BMPR1B: variants seen among roughly 807,000 people sequenced by gnomAD.
The protein encoded by BMPR1B is bone morphogenetic protein receptor type-1B.
Under a neutral mutation model 59.1 loss-of-function variants are expected in BMPR1B, and 12 were observed. The ratio of observed to expected loss-of-function variants is 0.20; its 90% CI spans 0.13 to 0.33. The LOEUF is 0.33. Ranked by LOEUF, BMPR1B falls within the 10% of genes least tolerant of loss-of-function variation. BMPR1B has a pLI of 1.00. For synonymous variants in BMPR1B, 237 were observed against 207.3 expected, an observed-to-expected ratio of 1.14 and a Z score of -1.23; for missense variants, 550 against 610.9, an observed-to-expected ratio of 0.90 and a Z score of 1.05.
chr4:95,125,103 A>C lies in BMPR1B; in HGVS notation c.567A>C (p.Gly189=). The change falls in exon 8 of 13, where the codon GGA becomes GGC. Residue 189 remains glycine (G), a synonymous_variant. Transcript: ENST00000515059. The part of the protein sequence containing the change: ...LIEQSQSSGS[G]SGLPLLVQRT... ...AGCAGTCTCAGAGCTCAGGAAGTGG[A>C]TCAGGCCTCCCTCTGCTGGTATGAG... 1 of 1,613,826 alleles carries C rather than the reference A, an allele frequency of 6.2e-7. No individual in the cohort carries two copies. The highest frequency in any genetic ancestry group is 8.5e-7 in the Non-Finnish European group (1 of 1,179,792).
Position 95,064,985 on chromosome 4 carries a change from A to G in BMPR1B, c.-17-39423A>G, listed in dbSNP as rs1727688531. Among the ~76,000 whole-genome samples, 4 of 152,174 alleles carry G rather than the reference A, an allele frequency of 2.6e-5. No individual in the cohort carries two copies. The South Asian group carries it at 6.2e-4, about 24-fold the overall frequency. ...CTGGCAGTTTCTCAAAGTGATAATC[A>G]TGTAGTTGTCATATGATCCAGCAAT... is the stretch of plus-strand genomic sequence containing the variant. On this transcript the variant is annotated intron_variant, in intron 3 of 12. Coordinates refer to ENST00000515059, the MANE Select transcript of BMPR1B (RefSeq NM_001203.3).
chr4:94,775,427 G>A (rs992580778), intron 1 of BMPR1B, among the ~76,000 whole-genome samples: 2 of 152,134 alleles, frequency 1.3e-5, no homozygotes, highest in Non-Finnish European at 2.9e-5. Context: ...AAATATAAGT[G>A]CCTAATTTCA....
intron 2 of BMPR1B, among the ~76,000 whole-genome samples, chr4:94,905,123 A>G (rs1347077973): frequency 6.6e-6 from 1 of 152,084 alleles, no homozygotes; most frequent in African/African-American, 2.4e-5. Flanking sequence ...AAGATGGGGA[A>G]AATTTTCTTT....
At chr4:95,140,300 A>G (rs879209391) in intron 10 of BMPR1B, among the ~76,000 whole-genome samples, 2 of 152,190 alleles carry the variant, frequency 1.3e-5, no homozygotes, top group African/African-American at 4.8e-5. Context: ...CATATGGAAC[A>G]CAGGATGAAG....
At chr4:94,915,103 A>G (rs1306278330) in intron 2 of BMPR1B, among the ~76,000 whole-genome samples, 1 of 152,160 alleles carries the variant, frequency 6.6e-6, no homozygotes, top group African/African-American at 2.4e-5. Flanking sequence ...CTCAACCTTG[A>G]CAGGTACCAA....
chr4:95,111,105 AGTT>A (rs1474642026), intron 4 of BMPR1B, among the ~76,000 whole-genome samples: 1 of 152,164 alleles, frequency 6.6e-6, no homozygotes, highest in African/African-American at 2.4e-5. Flanking sequence ...GAAATTTAAG[AGTT>A]GTTGTAGGAA....
rs1263019022 is a variant in BMPR1B, at chr4:94,948,506, G to A, written c.-112-47534G>A. ...CAAATGAGTAAGTAATGCTTTTGAG[G>A]TATCTAATCCACCTCATTTGTATAA... On this transcript the variant is annotated intron_variant, in intron 2 of 12. Transcript: ENST00000515059. Among the ~76,000 whole-genome samples the A allele has an allele frequency of 2.6e-5, 4 of 152,126 alleles. No individual in the cohort carries two copies. The South Asian group carries it at 8.3e-4, about 32-fold the overall frequency.
At chr4:94,990,028 A>G (rs1391509634) in intron 2 of BMPR1B, among the ~76,000 whole-genome samples, 1 of 152,260 alleles carries the variant, frequency 6.6e-6, no homozygotes, top group Admixed American at 6.5e-5. Context: ...GCATATTAGC[A>G]GTTTTACTAC....
At chr4:94,977,725 C>T (rs899512440) in intron 2 of BMPR1B, among the ~76,000 whole-genome samples, 2 of 152,066 alleles carry the variant, frequency 1.3e-5, no homozygotes, top group African/African-American at 2.4e-5. Flanking sequence ...GGCATGGTGG[C>T]GCGTGCCTGC....
At chr4:95,002,852 G>A (rs915441895) in intron 3 of BMPR1B, among the ~76,000 whole-genome samples, 1 of 152,122 alleles carries the variant, frequency 6.6e-6, no homozygotes, top group African/African-American at 2.4e-5. Flanking sequence ...ATATGATAGA[G>A]GAAAGTGATA....
chr4:94,758,016 G>A lies in BMPR1B; in HGVS notation c.-235G>A, dbSNP rs1284678743. 6.8e-6 allele frequency: 1 copy of A among 147,548 alleles called. No individual in the cohort carries two copies. Among genetic ancestry groups the A allele is most frequent in the African/African-American group, 2.5e-5 (1 of 40,656 alleles). 9.1% of individuals were successfully genotyped at this position (147,548 alleles called of 1,614,324 possible). On this transcript the variant is annotated 5_prime_UTR_variant, in exon 1 of 13. Transcript: ENST00000515059. ...TCGGCGGGGCCTCGCGGGACGCCGGGCAGTGCGGAGACCGCGGCGCTGAGG... is the reference window on the plus strand; with the variant it reads ...TCGGCGGGGCCTCGCGGGACGCCGGACAGTGCGGAGACCGCGGCGCTGAGG...
Position 94,793,896 on chromosome 4 carries a change from T to A in BMPR1B, c.-183+35828T>A, listed in dbSNP as rs1331765981. 7.5e-4 allele frequency among the ~76,000 whole-genome samples: 113 copies of A among 150,732 alleles called. 1 individual carries two copies. The highest frequency in any genetic ancestry group is 1.4e-3 in the Non-Finnish European group (93 of 67,118). On this transcript the variant is annotated intron_variant, in intron 1 of 12. Transcript: ENST00000515059. ...TTTTTTCTTGTAAATTTGTTTGAGT[T>A]CATTGTAGATTCTGGATATTAGCCC...
At chr4:94,793,181 C>A (rs1462936093) in intron 1 of BMPR1B, among the ~76,000 whole-genome samples, 1 of 151,840 alleles carries the variant, frequency 6.6e-6, no homozygotes, top group East Asian at 1.9e-4. Context: ...CCCCACCCCA[C>A]AACAGTCCTC....
chr4:94,799,303 G>T (rs1214406953), intron 1 of BMPR1B, among the ~76,000 whole-genome samples: 10 of 139,018 alleles, frequency 7.2e-5, no homozygotes, highest in Admixed American at 3.7e-4. Context: ...TTGGGTGACT[G>T]TTTTTTTTTT....
intron 2 of BMPR1B, among the ~76,000 whole-genome samples, chr4:94,984,326 T>C (rs1364283496): frequency 6.6e-6 from 1 of 152,240 alleles, no homozygotes; most frequent in African/African-American, 2.4e-5. Context: ...ATGTAGCTTT[T>C]AAATGGTATT....
At position 95,130,053 on chromosome 4, in the gene BMPR1B, G is replaced by A. The variant is rs1295739917; in HGVS notation, c.777G>A (p.Leu259=). ...TGTTGATGAGGCATGAAAACATTTT[G>A]GGTGAGTAAAAGTCTGCATAGCTAT... ...QTVLMRHENI[L]GFIAADIKGT... is the part of the protein sequence containing the mutation. Residue 259 remains leucine, a splice_region_variant and synonymous_variant, in exon 9 of 13, where the codon TTG becomes TTA. Coordinates refer to ENST00000515059, the MANE Select transcript of BMPR1B (RefSeq NM_001203.3). The A allele has an allele frequency of 6.2e-7, 1 of 1,613,592 alleles. No homozygotes were observed. Among genetic ancestry groups the A allele is most frequent in the Admixed American group, 1.7e-5 (1 of 59,954 alleles).
At chr4:94,825,426 G>A (rs530714169) in intron 1 of BMPR1B, among the ~76,000 whole-genome samples, 1 of 152,226 alleles carries the variant, frequency 6.6e-6, no homozygotes, top group East Asian at 1.9e-4. Flanking sequence ...GATCCCTTGA[G>A]CCCAGGAATT....
chr4:95,130,186 C>G, intron 9 of BMPR1B, 132 bp downstream of exon 9: 2 of 1,065,000 alleles, frequency 1.9e-6, no homozygotes, highest in Admixed American at 4.1e-5. Flanking sequence ...TGGCATGGGC[C>G]CAAGAACATC....
chr4:95,103,572 C>CA, intron 3 of BMPR1B: 1 of 825,338 alleles, frequency 1.2e-6, no homozygotes, highest in Non-Finnish European at 1.5e-6. Context: ...AAGCTCTTGA[C>CA]ATGAGGTTTG....
Sources: allele counts gnomAD v4.1 joint callset (sites outside exome capture counted in the v4.1 genomes callset), GRCh38; gene constraint gnomAD v4.1.1; transcripts MANE v1.5; gene names NCBI Gene and HGNC (gene_info 2026-07-23, HGNC 2026-07-21).